Variants in UNC5D observed in about 807,000 individuals in gnomAD.
The protein encoded by UNC5D is unc-5 netrin receptor D, also known as netrin receptor UNC5D.
Under a neutral mutation model 105.4 loss-of-function variants are expected in UNC5D, and 39 were observed. That is an observed-to-expected ratio of 0.37 (90% CI 0.29 to 0.48). The LOEUF is 0.48. UNC5D is among the 20% of genes least tolerant of loss of function. The pLI is 0.98. For missense variants in UNC5D, 991 were observed against 1,202.4 expected, an observed-to-expected ratio of 0.82 and a Z score of 2.60; for synonymous variants, 452 against 450.4, an observed-to-expected ratio of 1.00 and a Z score of -0.04.
chr8:35,412,506 G>C (rs1461024800), intron 1 of UNC5D, among the ~76,000 whole-genome samples: 1 of 150,476 alleles, frequency 6.6e-6, no homozygotes, highest in East Asian at 2.0e-4. Context: ...AGAAAGATCT[G>C]ACTTCTATTC....
intron 5 of UNC5D, 99 bp downstream of exon 5, chr8:35,683,826 C>T (rs1309376841): frequency 3.8e-5 from 46 of 1,223,264 alleles, no homozygotes; most frequent in Non-Finnish European, 4.7e-5. Flanking sequence ...GCTGCAAAGA[C>T]CTTGGGGTTC....
intron 1 of UNC5D, among the ~76,000 whole-genome samples, chr8:35,250,394 G>C (rs188214834): frequency 2.3e-4 from 35 of 152,242 alleles, no homozygotes; most frequent in African/African-American, 7.0e-4. Flanking sequence ...TAGATTCAGG[G>C]GGTGCATGTG....
chr8:35,293,243 G>A (rs1022169717), intron 1 of UNC5D, among the ~76,000 whole-genome samples: 2 of 151,876 alleles, frequency 1.3e-5, no homozygotes, highest in Non-Finnish European at 2.9e-5. Context: ...TAGCTTTATG[G>A]GAATAAATTA....
chr8:35,295,267 T>G (rs1234242368), intron 1 of UNC5D, among the ~76,000 whole-genome samples: 2 of 152,236 alleles, frequency 1.3e-5, no homozygotes, highest in Non-Finnish European at 2.9e-5. Context: ...GATTTTATGG[T>G]AGTAATTGCT....
intron 1 of UNC5D, among the ~76,000 whole-genome samples, chr8:35,437,989 T>C (rs1025457832): frequency 6.6e-5 from 10 of 152,166 alleles, no homozygotes; most frequent in Admixed American, 1.3e-4. Context: ...GTTTTAACTC[T>C]GTACTTTGTT....
chr8:35,329,873 G>GTATGGGC (rs1175252608), intron 1 of UNC5D, among the ~76,000 whole-genome samples: 1 of 152,070 alleles, frequency 6.6e-6, no homozygotes, highest in Non-Finnish European at 1.5e-5. Context: ...ACTTGAGCAA[G>GTATGGGC]TATGGGCAAT....
intron 1 of UNC5D, among the ~76,000 whole-genome samples, chr8:35,498,782 C>T (rs1021438678): frequency 6.6e-6 from 1 of 152,122 alleles, no homozygotes; most frequent in South Asian, 2.1e-4. Context: ...AACTCATAAT[C>T]GCTAAAGGAA....
chr8:35,470,481 T>A (rs989966401), intron 1 of UNC5D, among the ~76,000 whole-genome samples: 6 of 151,520 alleles, frequency 4.0e-5, no homozygotes, highest in Non-Finnish European at 1.5e-5. Context: ...ATAGGCCAGG[T>A]GTGCTGACTC....
chr8:35,493,005 G>C (rs181603530), intron 1 of UNC5D, among the ~76,000 whole-genome samples: 4 of 152,156 alleles, frequency 2.6e-5, no homozygotes, highest in East Asian at 1.9e-4. Context: ...GGTGGGGATC[G>C]TAAGACAATT....
chr8:35,755,478 ATGTG>A (rs140830705), intron 13 of UNC5D, among the ~76,000 whole-genome samples: 1 of 150,498 alleles, frequency 6.6e-6, no homozygotes, highest in South Asian at 2.1e-4. Flanking sequence ...ATTTGTGTGT[ATGTG>A]TGTGTGTGTG....
At chr8:35,643,203 A>T (rs1181445774) in intron 4 of UNC5D, among the ~76,000 whole-genome samples, 2 of 152,180 alleles carry the variant, frequency 1.3e-5, no homozygotes, top group Non-Finnish European at 2.9e-5. Context: ...GGCACCACTT[A>T]GTCCTGCTTT....
intron 1 of UNC5D, among the ~76,000 whole-genome samples, chr8:35,382,592 G>A (rs1451307713): frequency 6.6e-6 from 1 of 152,124 alleles, no homozygotes; most frequent in Non-Finnish European, 1.5e-5. Context: ...TATCTTTTGT[G>A]TTGTCTTGAG....
chr8:35,633,514 G>A (rs1822172144), intron 4 of UNC5D, among the ~76,000 whole-genome samples: 1 of 151,880 alleles, frequency 6.6e-6, no homozygotes, highest in Non-Finnish European at 1.5e-5. Flanking sequence ...TCAGGAGGTC[G>A]AGGCGGGAGG....
chr8:35,535,636 GA>G (rs1028291165), intron 1 of UNC5D, among the ~76,000 whole-genome samples: 20 of 151,274 alleles, frequency 1.3e-4, no homozygotes, highest in African/African-American at 4.6e-4. Flanking sequence ...GCTTTGGAAG[GA>G]AAAAAAATAC....
chr8:35,260,701 G>C (rs1159561186), intron 1 of UNC5D, among the ~76,000 whole-genome samples: 2 of 152,114 alleles, frequency 1.3e-5, no homozygotes, highest in Non-Finnish European at 2.9e-5. Context: ...TGAGCTCAGG[G>C]AATCCACACA....
intron 4 of UNC5D, among the ~76,000 whole-genome samples, chr8:35,683,289 TA>T: frequency 6.6e-6 from 1 of 152,218 alleles, no homozygotes; most frequent in East Asian, 1.9e-4. Context: ...ACTGCATTTT[TA>T]GAAAATGGGT....
intron 1 of UNC5D, among the ~76,000 whole-genome samples, chr8:35,270,124 T>A (rs911436402): frequency 1.4e-4 from 21 of 152,192 alleles, no homozygotes; most frequent in Non-Finnish European, 2.5e-4. Flanking sequence ...GATGAACTTT[T>A]CTTTCCACCA....
At chr8:35,334,281 TC>T (rs1202219813) in intron 1 of UNC5D, among the ~76,000 whole-genome samples, 1 of 152,086 alleles carries the variant, frequency 6.6e-6, no homozygotes. Flanking sequence ...ACTAAAATTG[TC>T]CCTAAAGATT....
At chr8:35,353,543 T>G (rs1034153495) in intron 1 of UNC5D, among the ~76,000 whole-genome samples, 2 of 152,204 alleles carry the variant, frequency 1.3e-5, no homozygotes, top group Non-Finnish European at 2.9e-5. Flanking sequence ...ATTTTTGAAA[T>G]GCTAGATATA....
Sources: allele counts gnomAD v4.1 joint callset (sites outside exome capture counted in the v4.1 genomes callset), GRCh38; gene constraint gnomAD v4.1.1; transcripts MANE v1.5; gene names NCBI Gene and HGNC (gene_info 2026-07-23, HGNC 2026-07-21).